Variants in HADH observed in about 807,000 individuals in gnomAD.
HADH encodes the protein hydroxyacyl-coenzyme A dehydrogenase, mitochondrial.
A neutral mutation model predicts 32.2 loss-of-function variants in HADH; 24 were observed. The observed-to-expected ratio is 0.75, with a 90% CI of 0.54 to 1.05. The LOEUF (loss-of-function observed/expected upper bound fraction) is 1.05. Among genes scored for constraint, HADH ranks in the 50% least tolerant of loss-of-function variants. The probability of loss-of-function intolerance (pLI) is 0.00; values close to 1 mark genes in which losing one functional copy is unlikely to be tolerated. For missense variants in HADH, 350 were observed against 397.1 expected, an observed-to-expected ratio of 0.88 and a Z score of 1.01; for synonymous variants, 139 against 152.5, an observed-to-expected ratio of 0.91 and a Z score of 0.65.
intron 2 of HADH, among the ~76,000 whole-genome samples, chr4:108,013,035 C>G (rs1174102310): frequency 6.6e-6 from 1 of 152,208 alleles, no homozygotes; most frequent in African/African-American, 2.4e-5. Flanking sequence ...CGGGTTCACG[C>G]CATTCTCCTG....
Position 108,018,429 on chromosome 4 carries a change from AT to A in HADH, c.420-1101del, listed in dbSNP as rs146042699. ...AATTTTAAGACCTTAAAACAATGTC[AT>A]TTTTTTTTTAAAAAGGAAACCCTGG... On this transcript the variant is annotated intron_variant, in intron 3 of 7. Transcript: ENST00000309522. Among the ~76,000 whole-genome samples, 163 of 150,708 alleles carry A rather than the reference AT, an allele frequency of 1.1e-3. 1 individual carries two copies. The highest frequency in any genetic ancestry group is 3.3e-3 in the African/African-American group (134 of 41,162).
At chr4:108,034,184 G>C in intron 7 of HADH, 55 bp from the exon 8 acceptor site, 1 of 1,181,162 alleles carries the variant, frequency 8.5e-7, no homozygotes, top group Non-Finnish European at 1.3e-6. Context: ...GAAATGCCAA[G>C]ATGTAAAAAT....
At chr4:108,000,887 T>G (rs1248183343) in intron 1 of HADH, among the ~76,000 whole-genome samples, 1 of 152,206 alleles carries the variant, frequency 6.6e-6, no homozygotes, top group Non-Finnish European at 1.5e-5. Flanking sequence ...TAGCAGTTAT[T>G]GACCAGCTAT....
chr4:108,007,093 G>A (rs567621060), intron 1 of HADH, among the ~76,000 whole-genome samples: 1 of 152,062 alleles, frequency 6.6e-6, no homozygotes, highest in South Asian at 2.1e-4. Flanking sequence ...AAAGGCTTAA[G>A]TTTTTGTTTG....
At chr4:108,029,163 GT>G in intron 6 of HADH, 1 of 339,062 alleles carries the variant, frequency 2.9e-6, no homozygotes, top group Admixed American at 4.8e-5. Flanking sequence ...CTCTTACCAT[GT>G]CCCCCCGCCC....
chr4:108,026,014 T>A (rs1736057311), intron 5 of HADH: 1 of 152,198 alleles, frequency 6.6e-6, no homozygotes, highest in African/African-American at 2.4e-5. Context: ...AAAATGCGTA[T>A]TTTTTTGATT....
Position 108,009,779 on chromosome 4 carries a change from C to T in HADH, c.153C>T (p.His51=). The change falls in exon 2 of 8, where the codon CAC becomes CAT. Residue 51 remains histidine, a synonymous_variant. Coordinates refer to ENST00000309522, the MANE Select transcript of HADH (RefSeq NM_005327.7). The part of the protein sequence containing the change: ...GIAQVAAATG[H]TVVLVDQTED... ...TCTAGGTTGCTGCAGCAACTGGTCA[C>T]ACAGTAGTGTTGGTAGACCAGACAG... 1 of 1,612,984 alleles carries T rather than the reference C, an allele frequency of 6.2e-7. No homozygotes were observed.
rs143123207 is a variant in HADH at position 108,022,655 on chromosome 4, G to A, written c.547-819G>A. 1.4e-3 allele frequency among the ~76,000 whole-genome samples: 209 copies of A among 152,222 alleles called. 1 individual carries two copies. Among genetic ancestry groups the A allele is most frequent in the African/African-American group, 4.6e-3 (192 of 41,540 alleles). On this transcript the variant is annotated intron_variant, in intron 4 of 7. Transcript: ENST00000309522. ...CCTCCTCCTCTATAATAGAAGATCAGGTCCCACGTAGAAGACTTTAAGGGC... is the reference window on the plus strand; with the variant it reads ...CCTCCTCCTCTATAATAGAAGATCAAGTCCCACGTAGAAGACTTTAAGGGC...
intron 1 of HADH, among the ~76,000 whole-genome samples, chr4:107,992,204 A>G (rs1206404119): frequency 1.3e-5 from 2 of 152,232 alleles, no homozygotes; most frequent in Non-Finnish European, 2.9e-5. Flanking sequence ...TAAGGGAAAA[A>G]AAAGCTATTT....
rs369367048 is a variant in HADH at position 108,034,221 on chromosome 4, C to A, written c.827-18C>A. The A allele has an allele frequency of 1.4e-6, 2 of 1,481,160 alleles. No individual in the cohort carries two copies. Among genetic ancestry groups the A allele is most frequent in the East Asian group, 2.3e-5 (1 of 44,280 alleles). 91.8% of individuals were successfully genotyped at this position (1,481,160 alleles called of 1,614,324 possible). A position where few individuals can be genotyped will look rare whatever the true frequency, so the allele number is the denominator to read the frequency against. ...AACCCAGCACTTCATCCTGAGTTCT[C>A]TTCCCTCCGCTCAATAGGGTGGCAT... On this transcript the variant is annotated intron_variant, in intron 7 of 7. Coordinates refer to ENST00000309522, the MANE Select transcript of HADH (RefSeq NM_005327.7).
intron 6 of HADH, chr4:108,028,858 A>C (rs1293992296): frequency 7.5e-6 from 3 of 398,396 alleles, no homozygotes; most frequent in Non-Finnish European, 1.3e-5. Context: ...CCAATGCACC[A>C]AGTATCAGAT....
chr4:108,020,025 T>G (rs1293974910), intron 4 of HADH, among the ~76,000 whole-genome samples: 1 of 152,172 alleles, frequency 6.6e-6, no homozygotes, highest in Non-Finnish European at 1.5e-5. Flanking sequence ...CTCGTCGAGG[T>G]CAGCTTGCCC....
At chr4:108,001,947 C>T (rs1459394130) in intron 1 of HADH, among the ~76,000 whole-genome samples, 1 of 152,176 alleles carries the variant, frequency 6.6e-6, no homozygotes, top group Non-Finnish European at 1.5e-5. Context: ...GTGGAAGAAG[C>T]TACTCTGATA....
rs1377091022 is a variant in HADH, at chr4:108,034,731, TGC to T, written c.*376_*377del. 1 of 351,844 alleles carries T rather than the reference TGC, an allele frequency of 2.8e-6. No homozygotes were observed. The highest frequency in any genetic ancestry group is 5.6e-6 in the Non-Finnish European group (1 of 179,322). 21.8% of individuals were successfully genotyped at this position (351,844 alleles called of 1,614,324 possible). On this transcript the variant is annotated 3_prime_UTR_variant, in exon 8 of 8. Coordinates refer to ENST00000309522, the MANE Select transcript of HADH (RefSeq NM_005327.7). Reference sequence around the variant, plus strand: ...GCGAGTGCACCATGCTCACTGTTGCTGCGTGGGAGAGTCACAAGCCACTGGCA... The same window carrying T: ...GCGAGTGCACCATGCTCACTGTTGCTGTGGGAGAGTCACAAGCCACTGGCA...
chr4:107,998,836 C>T (rs948274934), intron 1 of HADH, among the ~76,000 whole-genome samples: 1 of 151,926 alleles, frequency 6.6e-6, no homozygotes, highest in African/African-American at 2.4e-5. Flanking sequence ...TCATGGTTCC[C>T]GAAAGGTTGG....
At chr4:108,030,937 T>C (rs1736241299) in intron 6 of HADH, 1 of 152,220 alleles carries the variant, frequency 6.6e-6, no homozygotes, top group African/African-American at 2.4e-5. Context: ...TAGAGTTATT[T>C]AGATATTTTT....
At chr4:107,992,514 T>C (rs1408907330) in intron 1 of HADH, among the ~76,000 whole-genome samples, 1 of 152,220 alleles carries the variant, frequency 6.6e-6, no homozygotes, top group African/African-American at 2.4e-5. Context: ...GTTTTGCTTA[T>C]TGAGTGCCAG....
intron 2 of HADH, among the ~76,000 whole-genome samples, chr4:108,012,165 G>A (rs1242266402): frequency 2.0e-5 from 3 of 151,946 alleles, no homozygotes; most frequent in East Asian, 1.9e-4. Flanking sequence ...TCAAAGTGCT[G>A]GGATTACAAG....
At chr4:108,027,955 T>C in intron 6 of HADH, 195 bp downstream of exon 6, 1 of 622,478 alleles carries the variant, frequency 1.6e-6, no homozygotes, top group Non-Finnish European at 2.9e-6. Context: ...CTGGCTTCCC[T>C]GTGGGCCTCT....
Sources: gnomAD v4.1 joint callset for allele counts (sites outside exome capture counted in the v4.1 genomes callset) on GRCh38, gnomAD v4.1.1 for gene constraint, MANE v1.5 for transcripts, NCBI Gene and HGNC (gene_info 2026-07-23, HGNC 2026-07-21) for gene names.